GAL3ST2: variants seen among roughly 807,000 people sequenced by gnomAD.
GAL3ST2 encodes the protein beta-galactose-3-O-sulfotransferase 2.
Under a neutral mutation model 12.9 loss-of-function variants are expected in GAL3ST2, and 16 were observed. The observed-to-expected ratio is 1.24, with a 90% CI of 0.84 to 1.88. The LOEUF is 1.88. Ranked by LOEUF, GAL3ST2 falls within the 40% of genes most tolerant of loss-of-function variation. The probability of loss-of-function intolerance (pLI) is 0.00; values close to 1 mark genes in which losing one functional copy is unlikely to be tolerated. For missense variants in GAL3ST2, 639 were observed against 571.8 expected (o/e 1.12, Z -1.20); for synonymous variants, 302 against 273.9 (o/e 1.10, Z -1.01).
chr2:241,788,385 T>C (rs1699652687), intron 1 of GAL3ST2, among the ~76,000 whole-genome samples: 1 of 152,126 alleles, frequency 6.6e-6, no homozygotes, highest in South Asian at 2.1e-4. Flanking sequence ...GTCTTGGCTG[T>C]ATTTTTTTTT....
rs942630125 is a variant in GAL3ST2, at chr2:241,804,262, T to G, written c.*96T>G. 8.0e-6 allele frequency: 9 copies of G among 1,123,016 alleles called. No homozygotes were observed. The Admixed American group carries it at 1.2e-4, about 15-fold the overall frequency. The allele number at this position is 1,123,016 out of a possible 1,614,324, so 69.6% of individuals were successfully genotyped here. ...GGATCCTTGCAGGGCTTCTGGGGCG[T>G]TGGGAAACCCAGGCCCGCCGGCCAC... is the stretch of plus-strand genomic sequence containing the variant. On this transcript the variant is annotated 3_prime_UTR_variant, in exon 4 of 4. Coordinates refer to ENST00000192314, the MANE Select transcript of GAL3ST2 (RefSeq NM_022134.3).
rs193027654 is a variant in GAL3ST2 at position 241,803,398 on chromosome 2, C to T, written c.429C>T (p.Pro143=). 20 of 1,612,578 alleles carry T rather than the reference C, an allele frequency of 1.2e-5. No individual in the cohort carries two copies. The highest frequency in any genetic ancestry group is 1.7e-4 in the Middle Eastern group (1 of 6,058). ...DTFYFSILRN[P]VFQLESSFIY... ...TCTACTTCTCCATCCTGAGGAACCC[C>T]GTGTTCCAGCTGGAGTCCTCCTTCA... is the stretch of plus-strand genomic sequence containing the variant. Residue 143 remains proline, a synonymous_variant, in exon 4 of 4, where the codon CCC becomes CCT. Transcript: ENST00000192314.
At chr2:241,798,025 A>G (rs1242128892) in intron 1 of GAL3ST2, among the ~76,000 whole-genome samples, 1 of 152,138 alleles carries the variant, frequency 6.6e-6, no homozygotes, top group African/African-American at 2.4e-5. Flanking sequence ...CTGAGGGGAC[A>G]CAGCCCACGT....
Position 241,804,055 on chromosome 2 carries a change from G to T in GAL3ST2, c.1086G>T (p.Thr362=). The change falls in exon 4 of 4, where the codon ACG becomes ACT. Residue 362 remains threonine (T), a synonymous_variant. Transcript: ENST00000192314. ...TCCGGCCGGGCCTGGACAACCAGAC[G>T]CTGGGCGTGTGCCAGAGGCTTGTGA... ...YNLRPGLDNQ[T]LGVCQRLVMP... The T allele has an allele frequency of 1.3e-6, 2 of 1,557,294 alleles. No individual in the cohort carries two copies. Among genetic ancestry groups the T allele is most frequent in the Non-Finnish European group, 1.7e-6 (2 of 1,152,694 alleles).
Position 241,776,969 on chromosome 2 carries a change from T to C in GAL3ST2, c.14T>C (p.Leu5Pro). The C allele has an allele frequency of 6.4e-7, 1 of 1,552,304 alleles. No individual in the cohort carries two copies. The highest frequency in any genetic ancestry group is 8.7e-7 in the Non-Finnish European group (1 of 1,144,900). Residue 5 changes from leucine to proline, a missense_variant, in exon 1 of 4, where the codon CTG becomes CCG. Leu to Pro is a moderately conservative substitution (Grantham distance 98, BLOSUM62 -3). Transcript: ENST00000192314. ...CCAGAGGCCAAGATGATGTCCATGC[T>C]GGGCGGCTTGCAGAGGTAAGGGGGG... MMSMLGGLQRYFRVI... is the reference protein window; with the variant it reads MMSMPGGLQRYFRVI...
At position 241,776,965 on chromosome 2, in the gene GAL3ST2, A is replaced by T. The variant is rs12469459; in HGVS notation, c.10A>T (p.Met4Leu). The T allele has an allele frequency of 0.3, 464,622 of 1,545,572 alleles. 72,533 individuals are homozygous for T. The highest frequency in any genetic ancestry group is 0.5 in the African/African-American group (35,938 of 71,888). Residue 4 changes from methionine (M) to leucine (L), a missense_variant, in exon 1 of 4, where the codon ATG becomes TTG. Met to Leu is a conservative substitution (Grantham distance 15, BLOSUM62 2). Transcript: ENST00000192314. Reference sequence around the variant, plus strand: ...GAGGCCAGAGGCCAAGATGATGTCCATGCTGGGCGGCTTGCAGAGGTAAGG... The same window carrying T: ...GAGGCCAGAGGCCAAGATGATGTCCTTGCTGGGCGGCTTGCAGAGGTAAGG... MMS[M>L]LGGLQRYFRV...
chr2:241,785,417 G>A (rs1045186467), intron 1 of GAL3ST2, among the ~76,000 whole-genome samples: 3 of 152,042 alleles, frequency 2.0e-5, no homozygotes, highest in African/African-American at 7.2e-5. Context: ...GCCAGGCGTG[G>A]TGGTGGGCAC....
At chr2:241,781,705 A>G (rs1208324798) in intron 1 of GAL3ST2, among the ~76,000 whole-genome samples, 1 of 152,238 alleles carries the variant, frequency 6.6e-6, no homozygotes, top group African/African-American at 2.4e-5. Flanking sequence ...ACCAAATACC[A>G]TTTCATACTT....
Position 241,799,128 on chromosome 2 carries a change from G to A in GAL3ST2, c.93G>A (p.Leu31=). Residue 31 remains leucine (L), a synonymous_variant, in exon 2 of 4, where the codon CTG becomes CTA. Coordinates refer to ENST00000192314, the MANE Select transcript of GAL3ST2 (RefSeq NM_022134.3). ...ALTLLLLAGF[L]HSDLELDTPL... Reference sequence around the variant, plus strand: ...CTCTGCTCCTGCTGGCCGGATTCCTGCACTCGGACTTAGAGCTGGACACAC... The same window carrying A: ...CTCTGCTCCTGCTGGCCGGATTCCTACACTCGGACTTAGAGCTGGACACAC... The A allele has an allele frequency of 6.2e-7, 1 of 1,613,772 alleles. No homozygotes were observed. The highest frequency in any genetic ancestry group is 8.5e-7 in the Non-Finnish European group (1 of 1,180,004).
At position 241,802,433 on chromosome 2, in the gene GAL3ST2, T is replaced by C. The variant is rs1699865485; in HGVS notation, c.375+397T>C. 6.6e-6 allele frequency among the ~76,000 whole-genome samples: 1 copy of C among 152,118 alleles called. No homozygotes were observed. On this transcript the variant is annotated intron_variant, in intron 3 of 3. Transcript: ENST00000192314. This position sits in a 1 kb window ranked among gnomAD's most constrained non-coding sequence, Gnocchi z 4.8. ...GCTTCCCCCCAGGGCTTCCCTGACCTTCCTTACAAAGGAAGCAGGGCAGGG... is the reference window on the plus strand; with the variant it reads ...GCTTCCCCCCAGGGCTTCCCTGACCCTCCTTACAAAGGAAGCAGGGCAGGG...
chr2:241,799,009 TG>T, intron 1 of GAL3ST2, 55 bp from the exon 2 acceptor site: 2 of 1,377,766 alleles, frequency 1.5e-6, no homozygotes, highest in Non-Finnish European at 2.0e-6. Flanking sequence ...GGATGGGAGG[TG>T]GGGGTGGGGC....
intron 1 of GAL3ST2, among the ~76,000 whole-genome samples, chr2:241,785,348 T>G (rs1453704649): frequency 6.6e-6 from 1 of 152,080 alleles, no homozygotes; most frequent in East Asian, 1.9e-4. Flanking sequence ...GGTTAGGAGT[T>G]CGAGACCAGC....
At position 241,785,548 on chromosome 2, in the gene GAL3ST2, G is replaced by A. The variant is rs557492747; in HGVS notation, c.29+8564G>A. On this transcript the variant is annotated intron_variant, in intron 1 of 3. Transcript: ENST00000192314. ...GCCTGGGCAACAAAGATGAAACTCC[G>A]TCTCAAAAAAAAAAAAAAAAAAAGC... Among the ~76,000 whole-genome samples, 538 of 123,762 alleles carry A rather than the reference G, an allele frequency of 4.3e-3. 6 individuals are homozygous for A. The highest frequency in any genetic ancestry group is 0.016 in the African/African-American group (515 of 32,254). The allele number at this position is 123,762 out of a possible 152,430, so 81.2% of individuals were successfully genotyped here.
chr2:241,780,072 G>A (rs192191652), intron 1 of GAL3ST2, among the ~76,000 whole-genome samples: 4 of 151,572 alleles, frequency 2.6e-5, no homozygotes, highest in Non-Finnish European at 4.4e-5. Flanking sequence ...TTCCAAATTA[G>A]GAAAAATGGG....
intron 1 of GAL3ST2, among the ~76,000 whole-genome samples, chr2:241,789,408 C>T (rs1699670010): frequency 6.6e-6 from 1 of 152,174 alleles, no homozygotes. Flanking sequence ...TCTAGCTCAC[C>T]AGACTTTCTC....
At chr2:241,790,097 A>G (rs1358986999) in intron 1 of GAL3ST2, among the ~76,000 whole-genome samples, 4 of 152,174 alleles carry the variant, frequency 2.6e-5, no homozygotes, top group Admixed American at 6.5e-5. Flanking sequence ...TGGTTGCCCT[A>G]AAACTTTTTG....
Position 241,803,873 on chromosome 2 carries a change from C to T in GAL3ST2, c.904C>T (p.Arg302Trp). The T allele has an allele frequency of 7.0e-7, 1 of 1,422,322 alleles. No individual in the cohort carries two copies. The allele number at this position is 1,422,322 out of a possible 1,614,324, so 88.1% of individuals were successfully genotyped here. A position where few individuals can be genotyped will look rare whatever the true frequency, so the allele number is the denominator to read the frequency against. ...AQLRAELGPRRLRGEVERLRA... is the reference protein window; with the variant it reads ...AQLRAELGPRWLRGEVERLRA... ...GCTGCGCGCCGAGCTGGGGCCGCGG[C>T]GGCTGCGCGGGGAGGTGGAGCGGCT... The change falls in exon 4 of 4, where the codon CGG (arginine) becomes TGG (tryptophan). Residue 302 changes from arginine to tryptophan, a missense_variant. Physicochemically the swap from Arg to Trp is moderately radical, Grantham distance 101. Transcript: ENST00000192314.
chr2:241,796,782 C>T (rs1699776315), intron 1 of GAL3ST2, among the ~76,000 whole-genome samples: 1 of 152,096 alleles, frequency 6.6e-6, no homozygotes, highest in Non-Finnish European at 1.5e-5. Flanking sequence ...CTGGGTGGTT[C>T]CCGTGGGGGG....
intron 1 of GAL3ST2, among the ~76,000 whole-genome samples, chr2:241,784,068 C>G (rs899499373): frequency 6.9e-6 from 1 of 145,444 alleles, no homozygotes; most frequent in African/African-American, 2.6e-5. Context: ...GAGTCTTGCT[C>G]TCTTGCCCAG....
Sources: gnomAD v4.1 joint callset for allele counts (sites outside exome capture counted in the v4.1 genomes callset) on GRCh38, gnomAD v4.1.1 for gene constraint, Gnocchi (gnomAD v3.1) non-coding constraint, MANE v1.5 for transcripts, NCBI Gene and HGNC (gene_info 2026-07-23, HGNC 2026-07-21) for gene names.